KIAA1958: variants seen among roughly 807,000 people sequenced by gnomAD.
The protein encoded by KIAA1958 is uncharacterized protein KIAA1958.
In KIAA1958, 14 loss-of-function variants were observed where a neutral mutation model predicts 47.2. The ratio of observed to expected loss-of-function variants is 0.30; its 90% CI spans 0.20 to 0.46. KIAA1958 has a LOEUF of 0.46. Ranked by LOEUF, KIAA1958 falls within the 20% of genes least tolerant of loss-of-function variation. KIAA1958 has a pLI of 1.00. For synonymous variants in KIAA1958, 354 were observed against 353.3 expected (o/e 1.00, Z -0.02); for missense variants, 803 against 909.2 (o/e 0.88, Z 1.50).
At chr9:112,630,057 C>A (rs1439992460) in intron 2 of KIAA1958, among the ~76,000 whole-genome samples, 1 of 151,726 alleles carries the variant, frequency 6.6e-6, no homozygotes, top group Non-Finnish European at 1.5e-5. Flanking sequence ...AGCCAAGCAG[C>A]CCATGTGCAG....
chr9:112,637,931 C>G (rs899713851), intron 2 of KIAA1958, among the ~76,000 whole-genome samples: 1 of 151,988 alleles, frequency 6.6e-6, no homozygotes, highest in Non-Finnish European at 1.5e-5. Context: ...GGTGGATCAC[C>G]TGAGGTCAGA....
intron 1 of KIAA1958, among the ~76,000 whole-genome samples, chr9:112,558,105 G>A (rs1452933445): frequency 6.6e-6 from 1 of 151,904 alleles, no homozygotes; most frequent in Admixed American, 6.6e-5. Flanking sequence ...CGCGCCTGTA[G>A]TCCCAGCTAC....
At chr9:112,501,419 G>A (rs552721023) in intron 1 of KIAA1958, among the ~76,000 whole-genome samples, 2 of 151,804 alleles carry the variant, frequency 1.3e-5, no homozygotes, top group Non-Finnish European at 2.9e-5. Context: ...TTCTAGACTC[G>A]GCAACAAAGC....
At chr9:112,487,886 G>A (rs1418565656) in intron 1 of KIAA1958, among the ~76,000 whole-genome samples, 1 of 151,016 alleles carries the variant, frequency 6.6e-6, no homozygotes, top group South Asian at 2.1e-4. Context: ...TTTAGATTGG[G>A]ACTTTAAAAA....
At chr9:112,570,675 C>T (rs2131169639) in intron 1 of KIAA1958, among the ~76,000 whole-genome samples, 1 of 152,262 alleles carries the variant, frequency 6.6e-6, no homozygotes, top group Non-Finnish European at 1.5e-5. Flanking sequence ...CTTGGCTTTG[C>T]CAGTACCAAA....
intron 2 of KIAA1958, 73 bp downstream of exon 2, chr9:112,575,324 AC>A: frequency 9.9e-7 from 1 of 1,013,784 alleles, no homozygotes; most frequent in Non-Finnish European, 1.4e-6. Flanking sequence ...CACTTCTAAA[AC>A]CATTCACTCA....
chr9:112,544,415 A>G (rs1834995067), intron 1 of KIAA1958, among the ~76,000 whole-genome samples: 1 of 152,224 alleles, frequency 6.6e-6, no homozygotes, highest in South Asian at 2.1e-4. Flanking sequence ...TTCAGTGGGA[A>G]TAGGGACCAC....
chr9:112,520,079 T>G (rs1436009925), intron 1 of KIAA1958, among the ~76,000 whole-genome samples: 1 of 152,200 alleles, frequency 6.6e-6, no homozygotes, highest in African/African-American at 2.4e-5. Flanking sequence ...TGAAAGCAGT[T>G]CTTTGTCATT....
rs777895011 is a variant in KIAA1958 at position 112,574,041 on chromosome 9, G to T, written c.-24-16G>T. On this transcript the variant is annotated splice_polypyrimidine_tract_variant and intron_variant, in intron 1 of 3. Transcript: ENST00000337530. ...TTGGGTAATAATGGCTTCTTCTTTT[G>T]ATTATTTCCCTTTAGGAGTGACACT... is the stretch of plus-strand genomic sequence containing the variant. The T allele has an allele frequency of 3.8e-6, 5 of 1,320,344 alleles. No individual in the cohort carries two copies. The highest frequency in any genetic ancestry group is 4.7e-5 in the East Asian group (2 of 42,902). The allele number at this position is 1,320,344 out of a possible 1,614,324, so 81.8% of individuals were successfully genotyped here. A position where few individuals can be genotyped will look rare whatever the true frequency, so the allele number is the denominator to read the frequency against.
At chr9:112,520,596 A>G (rs1000191889) in intron 1 of KIAA1958, among the ~76,000 whole-genome samples, 4 of 152,256 alleles carry the variant, frequency 2.6e-5, no homozygotes, top group Non-Finnish European at 5.9e-5. Context: ...AGAAATGAAC[A>G]GGGTGTTGAA....
intron 1 of KIAA1958, among the ~76,000 whole-genome samples, chr9:112,516,672 G>C (rs1834440803): frequency 6.6e-6 from 1 of 152,152 alleles, no homozygotes; most frequent in African/African-American, 2.4e-5. Context: ...TAAAGTTTTA[G>C]GACTTACATT....
At chr9:112,544,360 A>G (rs971145330) in intron 1 of KIAA1958, among the ~76,000 whole-genome samples, 2 of 152,198 alleles carry the variant, frequency 1.3e-5, no homozygotes, top group Admixed American at 6.5e-5. Flanking sequence ...ATGCCATGCT[A>G]TTTTGTAATT....
chr9:112,543,226 G>GTTTGTTTGT (rs112944046), intron 1 of KIAA1958, among the ~76,000 whole-genome samples: 1 of 150,888 alleles, frequency 6.6e-6, no homozygotes, highest in Non-Finnish European at 1.5e-5. Flanking sequence ...TTTTGTTGTT[G>GTTTGTTTGT]TTGTTTGTTT....
rs769128916 is a variant in KIAA1958 at position 112,618,957 on chromosome 9, C to T, written c.1172-26693C>T. The T allele has an allele frequency of 4.1e-5, 61 of 1,487,568 alleles. No individual in the cohort carries two copies. Among genetic ancestry groups the T allele is most frequent in the Middle Eastern group, 1.8e-4 (1 of 5,682 alleles). The allele number at this position is 1,487,568 out of a possible 1,614,324, so 92.1% of individuals were successfully genotyped here. ...AAGACTCCAGTTTGGTTACTGTGTC[C>T]GGAGAAACTGTGATTATACACCGCT... On this transcript the variant is annotated intron_variant, in intron 2 of 3. Coordinates refer to ENST00000337530, the MANE Select transcript of KIAA1958 (RefSeq NM_133465.4). The surrounding 1 kb of genome is among the most constrained non-coding windows in gnomAD (Gnocchi z 7.1).
chr9:112,573,921 C>T (rs1677376815), intron 1 of KIAA1958, 136 bp from the exon 2 acceptor site: 7 of 509,518 alleles, frequency 1.4e-5, no homozygotes, highest in South Asian at 8.4e-5. Context: ...TCATCTACAG[C>T]GACCTTAACT....
chr9:112,654,891 G>A (rs4979141), intron 3 of KIAA1958, among the ~76,000 whole-genome samples: 62,368 of 151,900 alleles, frequency 0.41, 13,896 homozygotes, highest in East Asian at 0.62. Flanking sequence ...GAAAGCAATT[G>A]TATTTTGTCT....
intron 2 of KIAA1958, among the ~76,000 whole-genome samples, chr9:112,609,323 G>A (rs774677396): frequency 1.2e-4 from 18 of 152,066 alleles, no homozygotes; most frequent in South Asian, 4.2e-4. Flanking sequence ...TAAATTCGAC[G>A]TAACTTTATA....
intron 2 of KIAA1958, among the ~76,000 whole-genome samples, chr9:112,641,389 ATGT>A (rs1274986120): frequency 6.4e-5 from 5 of 78,300 alleles, no homozygotes; most frequent in African/African-American, 2.6e-4. Context: ...TCTTCTCGCT[ATGT>A]TGACAGCTCT....
chr9:112,635,026 T>C (rs1836779589), intron 2 of KIAA1958, among the ~76,000 whole-genome samples: 1 of 152,186 alleles, frequency 6.6e-6, no homozygotes, highest in Admixed American at 6.5e-5. Flanking sequence ...TTTGTGTTTA[T>C]GAGCTCAGTT....
Sources: allele counts gnomAD v4.1 joint callset (sites outside exome capture counted in the v4.1 genomes callset), GRCh38; gene constraint gnomAD v4.1.1; non-coding constraint Gnocchi (gnomAD v3.1); transcripts MANE v1.5; gene names NCBI Gene and HGNC (gene_info 2026-07-23, HGNC 2026-07-21).